The following GOLGA5 variants were observed in gnomAD, a reference collection of about 807,000 sequenced individuals.
GOLGA5 encodes golgin A5, also known as golgin subfamily A member 5.
GOLGA5 carries 50 observed loss-of-function variants against 93.5 expected under a neutral mutation model. The ratio of observed to expected loss-of-function variants is 0.53; its 90% CI spans 0.43 to 0.68. The LOEUF (loss-of-function observed/expected upper bound fraction) is 0.68, where lower values mean the gene tolerates loss of function less well. GOLGA5 is among the 30% of genes least tolerant of loss of function. GOLGA5 has a pLI of 0.00. For missense variants in GOLGA5, 760 were observed against 856.4 expected, an observed-to-expected ratio of 0.89 and a Z score of 1.40; for synonymous variants, 312 against 304.5, an observed-to-expected ratio of 1.02 and a Z score of -0.26.
In GOLGA5 at chr14:92,826,285, A is replaced by G. The variant is rs1885419500; in HGVS notation, c.1719+1641A>G. On this transcript the variant is annotated intron_variant, in intron 9 of 12. Transcript: ENST00000163416. ...TGAAAAGAGATCAGCATCTTAATAC[A>G]TTGCCAAAAAAAAAAAAAAATCACA... Among the ~76,000 whole-genome samples the G allele has an allele frequency of 3.0e-5, 3 of 100,724 alleles. No homozygotes were observed. In the South Asian group the frequency reaches 9.6e-4, roughly 32 times the overall value. The allele number at this position is 100,724 out of a possible 152,430, so 66.1% of individuals were successfully genotyped here.
chr14:92,828,959 C>T (rs888900906), intron 9 of GOLGA5, among the ~76,000 whole-genome samples: 6 of 151,694 alleles, frequency 4.0e-5, no homozygotes, highest in Admixed American at 2.0e-4. Flanking sequence ...TGAGCCACTG[C>T]GCCTAGCCAG....
At chr14:92,826,717 A>G (rs1451322224) in intron 9 of GOLGA5, among the ~76,000 whole-genome samples, 1 of 151,788 alleles carries the variant, frequency 6.6e-6, no homozygotes, top group Non-Finnish European at 1.5e-5. Context: ...AAAAAGAAAA[A>G]AAAGAAAATT....
chr14:92,806,697 A>G (rs77862766), intron 2 of GOLGA5, 39 bp from the exon 3 acceptor site: 90 of 1,369,798 alleles, frequency 6.6e-5, no homozygotes, highest in Non-Finnish European at 8.5e-5. Context: ...TATGTGATGA[A>G]CACGCCAATG....
chr14:92,822,982 AC>A (rs955455210), intron 8 of GOLGA5, among the ~76,000 whole-genome samples: 4 of 152,138 alleles, frequency 2.6e-5, no homozygotes, highest in African/African-American at 9.7e-5. Context: ...TATGTAGTCA[AC>A]TTTATCATTC....
At chr14:92,821,966 C>T (rs1356769329) in intron 8 of GOLGA5, among the ~76,000 whole-genome samples, 1 of 152,124 alleles carries the variant, frequency 6.6e-6, no homozygotes, top group Non-Finnish European at 1.5e-5. Context: ...CTTCCCAGTG[C>T]CTTTTTAAAA....
intron 1 of GOLGA5, among the ~76,000 whole-genome samples, chr14:92,795,674 C>T (rs1884710229): frequency 2.6e-5 from 4 of 152,154 alleles, no homozygotes; most frequent in Admixed American, 2.6e-4. Flanking sequence ...GTGAGCAAAA[C>T]AGACATAATC....
chr14:92,809,564 A>G, intron 4 of GOLGA5, 45 bp downstream of exon 4: 1 of 1,205,458 alleles, frequency 8.3e-7, no homozygotes, highest in Middle Eastern at 2.5e-4. Context: ...AAGTAATGGT[A>G]AACATTGTAG....
At chr14:92,809,619 G>A in intron 4 of GOLGA5, 100 bp downstream of exon 4, 3 of 736,756 alleles carry the variant, frequency 4.1e-6, no homozygotes, top group Non-Finnish European at 6.9e-6. Context: ...TTTACAAGAG[G>A]GAATATTTCT....
intron 1 of GOLGA5, among the ~76,000 whole-genome samples, chr14:92,795,229 G>A (rs1334370260): frequency 4.6e-5 from 7 of 152,062 alleles, no homozygotes; most frequent in Non-Finnish European, 1.0e-4. Context: ...GTGAGCCACA[G>A]TGCCTGGCCT....
intron 8 of GOLGA5, among the ~76,000 whole-genome samples, chr14:92,822,361 GA>G (rs915192905): frequency 5.9e-5 from 9 of 152,174 alleles, no homozygotes; most frequent in Non-Finnish European, 1.5e-5. Context: ...ACTGTTAAGT[GA>G]AAAGCTTTTG....
chr14:92,808,086 T>C (rs567389436), intron 3 of GOLGA5, among the ~76,000 whole-genome samples: 1 of 151,952 alleles, frequency 6.6e-6, no homozygotes, highest in African/African-American at 2.4e-5. Context: ...ACAAAAAAAT[T>C]AGCTGGGCAT....
chr14:92,816,417 T>C lies in GOLGA5; in HGVS notation c.1487T>C (p.Leu496Ser). 1 of 1,613,538 alleles carries C rather than the reference T, an allele frequency of 6.2e-7. No homozygotes were observed. The highest frequency in any genetic ancestry group is 8.5e-7 in the Non-Finnish European group (1 of 1,179,574). The change falls in exon 7 of 13, where the codon TTA becomes TCA. Residue 496 changes from leucine (L) to serine (S), a missense_variant. By Grantham distance (145) the Leu-to-Ser change is moderately radical. Transcript: ENST00000163416. ...CAGATACATCAGCTCAGATCCGAAT[T>C]ACAGGTAAGATTCATGGTGGTTCAG... Reference protein sequence around the residue: ...MGQIHQLRSELQDMEAQQVNE... With the variant: ...MGQIHQLRSESQDMEAQQVNE...
chr14:92,811,664 G>T lies in GOLGA5; in HGVS notation c.1230G>T (p.Leu410=), dbSNP rs751648762. 1 of 1,612,022 alleles carries T rather than the reference G, an allele frequency of 6.2e-7. No individual in the cohort carries two copies. The change falls in exon 6 of 13, where the codon CTG becomes CTT. Residue 410 remains leucine, a synonymous_variant. Coordinates refer to ENST00000163416, the MANE Select transcript of GOLGA5 (RefSeq NM_005113.4). ...ATGAGAAGAAGAGGGTTGATGAACTGCAGCAGCAAGTCAAGCTGTATAAGT... is the reference window on the plus strand; with the variant it reads ...ATGAGAAGAAGAGGGTTGATGAACTTCAGCAGCAAGTCAAGCTGTATAAGT... ...YSDEKKRVDE[L]QQQVKLYKLN...
intron 6 of GOLGA5, among the ~76,000 whole-genome samples, chr14:92,815,926 C>T (rs892270685): frequency 4.6e-5 from 7 of 151,842 alleles, no homozygotes; most frequent in Middle Eastern, 3.4e-3. Context: ...AGGATGGTCT[C>T]GACCTCCTGA....
At chr14:92,805,464 C>CT (rs1884965128) in intron 2 of GOLGA5, among the ~76,000 whole-genome samples, 1 of 151,624 alleles carries the variant, frequency 6.6e-6, no homozygotes, top group Non-Finnish European at 1.5e-5. Flanking sequence ...TTTGTACTTG[C>CT]TTTTTTGTGG....
chr14:92,824,683 T>A, intron 9 of GOLGA5, 39 bp downstream of exon 9: 1 of 1,015,550 alleles, frequency 9.8e-7, no homozygotes, highest in Non-Finnish European at 1.5e-6. Context: ...AAGATGCCAC[T>A]GATAAAGCTA....
intron 7 of GOLGA5, among the ~76,000 whole-genome samples, chr14:92,818,915 A>G (rs983189104): frequency 1.3e-5 from 2 of 152,218 alleles, no homozygotes; most frequent in African/African-American, 4.8e-5. Flanking sequence ...AGTAAGAAAC[A>G]TAAGAACATG....
chr14:92,797,534 A>G lies in GOLGA5; in HGVS notation c.97A>G (p.Ser33Gly). 4 of 1,613,234 alleles carry G rather than the reference A, an allele frequency of 2.5e-6. No homozygotes were observed. Among genetic ancestry groups the G allele is most frequent in the Non-Finnish European group, 3.4e-6 (4 of 1,179,148 alleles). Residue 33 changes from serine to glycine, a missense_variant, in exon 2 of 13, where the codon AGC (serine) becomes GGC (glycine). Ser to Gly is a moderately conservative substitution (Grantham distance 56). Coordinates refer to ENST00000163416, the MANE Select transcript of GOLGA5 (RefSeq NM_005113.4). ...ATALSRKDNASNIYSKNTDYT... is the reference protein window; with the variant it reads ...ATALSRKDNAGNIYSKNTDYT... ...AGCTCTCAGTAGGAAAGACAATGCC[A>G]GCAACATATATAGCAAAAATACTGA...
Position 92,798,001 on chromosome 14 carries a change from A to T in GOLGA5, c.544+20A>T. ...CCCACGGTAGTTAATCAGTCCTCTTATTTCTTTTAGAGTTAAGCAAATTGA... is the reference window on the plus strand; with the variant it reads ...CCCACGGTAGTTAATCAGTCCTCTTTTTTCTTTTAGAGTTAAGCAAATTGA... On this transcript the variant is annotated intron_variant, in intron 2 of 12. Coordinates refer to ENST00000163416, the MANE Select transcript of GOLGA5 (RefSeq NM_005113.4). 1 of 1,500,818 alleles carries T rather than the reference A, an allele frequency of 6.7e-7. No homozygotes were observed. Among genetic ancestry groups the T allele is most frequent in the Non-Finnish European group, 9.0e-7 (1 of 1,111,096 alleles). The allele number at this position is 1,500,818 out of a possible 1,614,324, so 93.0% of individuals were successfully genotyped here.
Sources: allele counts gnomAD v4.1 joint callset (sites outside exome capture counted in the v4.1 genomes callset), GRCh38; gene constraint gnomAD v4.1.1; transcripts MANE v1.5; gene names NCBI Gene and HGNC (gene_info 2026-07-23, HGNC 2026-07-21).